The following SERINC5 variants were observed in gnomAD, a reference collection of about 807,000 sequenced individuals.
SERINC5 encodes chromosome 5 open reading frame 12.
A neutral mutation model predicts 63.1 loss-of-function variants in SERINC5; 41 were observed. The ratio of observed to expected loss-of-function variants is 0.65; its 90% confidence interval spans 0.51 to 0.84. The LOEUF (loss-of-function observed/expected upper bound fraction) is 0.84, where lower values mean the gene tolerates loss of function less well. Ranked by LOEUF, SERINC5 falls within the 40% of genes least tolerant of loss-of-function variation. The pLI is 0.00. For synonymous variants in SERINC5, 222 were observed against 215.2 expected (o/e 1.03, Z -0.28); for missense variants, 523 against 573.0 (o/e 0.91, Z 0.89).
chr5:80,146,598 A>G (rs921196154), intron 10 of SERINC5, among the ~76,000 whole-genome samples: 2 of 152,146 alleles, frequency 1.3e-5, no homozygotes, highest in African/African-American at 2.4e-5. Context: ...GATTACAGGC[A>G]CACGCCACCA....
At chr5:80,196,124 G>T (rs1019246267) in intron 2 of SERINC5, among the ~76,000 whole-genome samples, 3 of 152,108 alleles carry the variant, frequency 2.0e-5, no homozygotes, top group Admixed American at 6.6e-5. Flanking sequence ...ACAAGATCTA[G>T]AAAAACGGGG....
intron 7 of SERINC5, among the ~76,000 whole-genome samples, chr5:80,161,026 ATACACACGTG>A (rs1420346918): frequency 9.0e-5 from 11 of 122,042 alleles, no homozygotes; most frequent in African/African-American, 5.9e-4. Flanking sequence ...GTGTATATAT[ATACACACGTG>A]TATATATATA....
At position 80,174,597 on chromosome 5, in the gene SERINC5, A is replaced by C. The variant is rs370927439; in HGVS notation, c.551+357T>G. 1.7e-3 allele frequency among the ~76,000 whole-genome samples: 264 copies of C among 151,952 alleles called. 2 individuals carry two copies. The highest frequency in any genetic ancestry group is 2.5e-3 in the East Asian group (13 of 5,136). On this transcript the variant is annotated intron_variant, in intron 5 of 11. Transcript: ENST00000507668. The stretch of plus-strand genomic sequence containing the variant: ...CACATTTTCTAGATTCTTATAAGCA[A>C]GAGTCTGTTAAAAAAACACAGCAAG...
intron 9 of SERINC5, among the ~76,000 whole-genome samples, chr5:80,149,842 G>A (rs1027392410): frequency 3.9e-5 from 6 of 152,254 alleles, no homozygotes; most frequent in South Asian, 2.1e-4. Flanking sequence ...GGTTCTTTTC[G>A]TTCTTGGGTC....
chr5:80,228,396 T>C (rs966267957), intron 1 of SERINC5, among the ~76,000 whole-genome samples: 1 of 152,148 alleles, frequency 6.6e-6, no homozygotes, highest in Non-Finnish European at 1.5e-5. Context: ...ACTTGTAGTA[T>C]GTATAAAATT....
intron 8 of SERINC5, 126 bp from the exon 9 acceptor site, chr5:80,151,074 A>T: frequency 2.8e-6 from 2 of 716,116 alleles, no homozygotes; most frequent in Non-Finnish European, 5.1e-6. Flanking sequence ...AGGAGACTTA[A>T]ATCAAAGCAA....
intron 11 of SERINC5, among the ~76,000 whole-genome samples, chr5:80,127,751 C>A (rs980839528): frequency 4.6e-5 from 7 of 151,812 alleles, no homozygotes; most frequent in Admixed American, 2.6e-4. Context: ...TTGATGAATG[C>A]CCAACTGGCT....
chr5:80,200,576 C>T (rs939115528), intron 2 of SERINC5, among the ~76,000 whole-genome samples: 5 of 152,262 alleles, frequency 3.3e-5, no homozygotes, highest in Middle Eastern at 3.4e-3. Flanking sequence ...GAACACCCCA[C>T]GGCTAGCACT....
Position 80,142,415 on chromosome 5 carries a change from T to C in SERINC5, c.*1248A>G. The C allele has an allele frequency of 6.7e-6, 6 of 894,296 alleles. No homozygotes were observed. The highest frequency in any genetic ancestry group is 1.0e-4 in the South Asian group (2 of 19,474). The allele number at this position is 894,296 out of a possible 1,614,324, so 55.4% of individuals were successfully genotyped here. On this transcript the variant is annotated 3_prime_UTR_variant, in exon 12 of 12. Transcript: ENST00000507668. ...GCCCGGCTAATTTTTCTATTTTTAA[T>C]AGAGACAGGGTTTCACCATGTTAGC...
chr5:80,211,036 C>T (rs1750406623), intron 1 of SERINC5, among the ~76,000 whole-genome samples: 1 of 152,170 alleles, frequency 6.6e-6, no homozygotes. Flanking sequence ...CTCCTGTCAA[C>T]CCTGCAAGAG....
intron 1 of SERINC5, among the ~76,000 whole-genome samples, chr5:80,243,290 G>A (rs1479382093): frequency 6.6e-6 from 1 of 152,074 alleles, no homozygotes; most frequent in Non-Finnish European, 1.5e-5. Context: ...CTGACACACT[G>A]CATCACCACT....
At chr5:80,148,261 G>A (rs1012154915) in intron 9 of SERINC5, among the ~76,000 whole-genome samples, 3 of 147,468 alleles carry the variant, frequency 2.0e-5, no homozygotes, top group Non-Finnish European at 3.0e-5. Context: ...CACGATCTCG[G>A]CTCACTGCAA....
intron 1 of SERINC5, among the ~76,000 whole-genome samples, chr5:80,219,063 A>G (rs1750790522): frequency 6.6e-6 from 1 of 152,248 alleles, no homozygotes; most frequent in Admixed American, 6.5e-5. Flanking sequence ...ACATAAATAC[A>G]TAAATTAGAA....
chr5:80,136,990 A>G (rs970828961), downstream of SERINC5, among the ~76,000 whole-genome samples: 8 of 151,926 alleles, frequency 5.3e-5, no homozygotes, highest in African/African-American at 1.9e-4. Flanking sequence ...TACAAAAATT[A>G]GCCAGGCATT....
chr5:80,114,463 G>A, intron 11 of SERINC5: 1 of 168,076 alleles, frequency 5.9e-6, no homozygotes, highest in South Asian at 9.7e-5. Flanking sequence ...AGACCAGCCT[G>A]GCCAACATGG....
In SERINC5 at chr5:80,200,832, G is replaced by T. The variant is rs974750667; in HGVS notation, c.195+2054C>A. ...TTTCAGGCCAGGCATGGTGGCTCAC[G>T]CATGTAATCCCAGCACTTTGGGAGG... On this transcript the variant is annotated intron_variant, in intron 2 of 11. Transcript: ENST00000507668. 6.6e-5 allele frequency among the ~76,000 whole-genome samples: 5 copies of T among 75,720 alleles called. No individual in the cohort carries two copies. In the South Asian group the frequency reaches 1.6e-3, roughly 24 times the overall value. 49.7% of individuals were successfully genotyped at this position (75,720 alleles called of 152,430 possible). A position where few individuals can be genotyped will look rare whatever the true frequency, so the allele number is the denominator to read the frequency against.
chr5:80,222,561 A>AGTGTGAGTGTGT (rs1554070043), intron 1 of SERINC5, among the ~76,000 whole-genome samples: 1 of 146,216 alleles, frequency 6.8e-6, no homozygotes, highest in African/African-American at 2.6e-5. Flanking sequence ...TGAGTGTGTG[A>AGTGTGAGTGTGT]GTGTGTGAGT....
rs932098647 is a variant in SERINC5, at chr5:80,141,999, C to G, written c.*1664G>C. The G allele has an allele frequency of 6.1e-6, 6 of 985,260 alleles. No homozygotes were observed. The African/African-American group carries it at 1.0e-4, about 17-fold the overall frequency. The allele number at this position is 985,260 out of a possible 1,614,324, so 61.0% of individuals were successfully genotyped here. On this transcript the variant is annotated 3_prime_UTR_variant, in exon 12 of 12. Transcript: ENST00000507668. Reference sequence around the variant, plus strand: ...AAAGAATTTCACTAATTTCACCCACCAGCATTTTGGCACACAGAAGCCCAG... The same window carrying G: ...AAAGAATTTCACTAATTTCACCCACGAGCATTTTGGCACACAGAAGCCCAG...
At chr5:80,156,522 G>C (rs922559921) in intron 8 of SERINC5, among the ~76,000 whole-genome samples, 3 of 152,204 alleles carry the variant, frequency 2.0e-5, no homozygotes, top group Non-Finnish European at 4.4e-5. Context: ...CTTGCCTACA[G>C]ATTACAGAAG....
Sources: allele counts gnomAD v4.1 joint callset (sites outside exome capture counted in the v4.1 genomes callset), GRCh38; gene constraint gnomAD v4.1.1; transcripts MANE v1.5; gene names NCBI Gene and HGNC (gene_info 2026-07-23, HGNC 2026-07-21).